Variants in ESRRG observed in about 807,000 individuals in gnomAD.
ESRRG encodes estrogen related receptor gamma, also known as estrogen-related receptor gamma.
A neutral mutation model predicts 44.0 loss-of-function variants in ESRRG; 13 were observed. The observed-to-expected ratio is 0.30, with a 90% CI of 0.19 to 0.47. The LOEUF is 0.47. Among genes scored for constraint, ESRRG ranks in the 20% least tolerant of loss-of-function variants. The pLI, the probability that ESRRG is intolerant of heterozygous loss-of-function variation, is 1.00. For missense variants in ESRRG, 395 were observed against 580.6 expected, an observed-to-expected ratio of 0.68 and a Z score of 3.29; for synonymous variants, 215 against 214.6, an observed-to-expected ratio of 1.00 and a Z score of -0.02.
At chr1:216,774,398 G>A (rs569322983) in intron 2 of ESRRG, among the ~76,000 whole-genome samples, 6 of 152,078 alleles carry the variant, frequency 3.9e-5, no homozygotes, top group Non-Finnish European at 7.4e-5. Flanking sequence ...TACGCAGTGC[G>A]GTGGGAGGTT....
chr1:216,554,057 G>C (rs1451603329), intron 5 of ESRRG, among the ~76,000 whole-genome samples: 1 of 152,010 alleles, frequency 6.6e-6, no homozygotes, highest in Non-Finnish European at 1.5e-5. Flanking sequence ...TTCTAATTGA[G>C]GTTATTTATG....
intron 3 of ESRRG, among the ~76,000 whole-genome samples, chr1:216,637,942 A>G (rs2065625231): frequency 1.3e-5 from 2 of 152,182 alleles, no homozygotes; most frequent in Non-Finnish European, 2.9e-5. Flanking sequence ...ATCATTATTT[A>G]TGAAAAATTA....
chr1:216,564,973 T>G (rs999856343), intron 4 of ESRRG, among the ~76,000 whole-genome samples: 3 of 152,010 alleles, frequency 2.0e-5, no homozygotes, highest in African/African-American at 7.2e-5. Context: ...TTTCTCCCCC[T>G]CCCCACACAC....
At chr1:216,773,332 C>A (rs905470577) in intron 2 of ESRRG, among the ~76,000 whole-genome samples, 1 of 152,036 alleles carries the variant, frequency 6.6e-6, no homozygotes, top group Non-Finnish European at 1.5e-5. Context: ...AAACTTCCAC[C>A]AGAAATGCAA....
intron 3 of ESRRG, among the ~76,000 whole-genome samples, chr1:216,625,363 C>A (rs946360438): frequency 2.1e-5 from 3 of 141,682 alleles, no homozygotes; most frequent in Admixed American, 7.3e-5. Context: ...CCCAATAGTA[C>A]CATTTGATCA....
chr1:216,976,646 G>C (rs903747780), intron 1 of ESRRG, among the ~76,000 whole-genome samples: 6 of 152,136 alleles, frequency 3.9e-5, no homozygotes, highest in Admixed American at 1.3e-4. Flanking sequence ...CATTTACAAA[G>C]AGAAGCAACA....
At chr1:217,076,368 T>G (rs1277348259) in intron 1 of ESRRG, among the ~76,000 whole-genome samples, 1 of 152,158 alleles carries the variant, frequency 6.6e-6, no homozygotes, top group Non-Finnish European at 1.5e-5. Flanking sequence ...GCATAGCAGA[T>G]AACAGCACAC....
At chr1:216,663,248 C>G (rs1377718357) in intron 2 of ESRRG, among the ~76,000 whole-genome samples, 1 of 151,850 alleles carries the variant, frequency 6.6e-6, no homozygotes, top group African/African-American at 2.4e-5. Context: ...GCTCTGGAGG[C>G]AAAAGCAGGG....
intron 2 of ESRRG, among the ~76,000 whole-genome samples, chr1:216,792,002 T>C (rs2094334749): frequency 6.6e-6 from 1 of 152,084 alleles, no homozygotes; most frequent in South Asian, 2.1e-4. Flanking sequence ...GAATAAGAAA[T>C]ATAAGAAAAA....
At chr1:217,092,051 C>T (rs2092355074), upstream of ESRRG, among the ~76,000 whole-genome samples, 1 of 152,132 alleles carries the variant, frequency 6.6e-6, no homozygotes, top group African/African-American at 2.4e-5. Flanking sequence ...GTTTCTTACC[C>T]CAGGAGTGAG....
At chr1:216,645,818 G>C (rs1209051321) in intron 3 of ESRRG, among the ~76,000 whole-genome samples, 3 of 139,068 alleles carry the variant, frequency 2.2e-5, no homozygotes, top group South Asian at 2.3e-4. Flanking sequence ...GCTGCAGTGA[G>C]CCAAGATCAT....
intron 3 of ESRRG, among the ~76,000 whole-genome samples, chr1:216,618,649 T>C (rs2061748610): frequency 1.3e-5 from 2 of 152,204 alleles, no homozygotes; most frequent in Admixed American, 1.3e-4. Context: ...TCTTAGTTGA[T>C]TTTCACTGCA....
chr1:216,966,351 G>C (rs74141711), intron 1 of ESRRG, among the ~76,000 whole-genome samples: 2 of 152,158 alleles, frequency 1.3e-5, no homozygotes, highest in African/African-American at 4.8e-5. Flanking sequence ...CTGTCTATAC[G>C]TATGAATTCT....
intron 1 of ESRRG, among the ~76,000 whole-genome samples, chr1:216,700,345 G>A (rs1024825243): frequency 3.3e-5 from 5 of 152,060 alleles, no homozygotes; most frequent in South Asian, 4.1e-4. Context: ...AGATGTTTCC[G>A]TGACAAATTA....
intron 3 of ESRRG, among the ~76,000 whole-genome samples, chr1:216,615,677 C>T (rs1235619615): frequency 2.0e-5 from 3 of 151,846 alleles, no homozygotes; most frequent in Non-Finnish European, 4.4e-5. Context: ...TAGTGTTACC[C>T]ATATGTGGAA....
chr1:217,006,677 T>C (rs982510819), intron 1 of ESRRG, among the ~76,000 whole-genome samples: 2 of 152,140 alleles, frequency 1.3e-5, no homozygotes, highest in African/African-American at 4.8e-5. Flanking sequence ...CTAATATACC[T>C]TATATGCACG....
chr1:216,554,726 GA>G (rs2057161241), intron 5 of ESRRG, among the ~76,000 whole-genome samples: 1 of 152,090 alleles, frequency 6.6e-6, no homozygotes, highest in Non-Finnish European at 1.5e-5. Context: ...TAGATTTGTT[GA>G]AAATTAAAGA....
At chr1:216,589,863 C>T (rs1321445137) in intron 3 of ESRRG, among the ~76,000 whole-genome samples, 1 of 123,154 alleles carries the variant, frequency 8.1e-6, no homozygotes, top group Non-Finnish European at 1.6e-5. Flanking sequence ...GAGATCGTGC[C>T]ACTGCACTCC....
chr1:216,769,067 G>A (rs796373672), intron 2 of ESRRG, among the ~76,000 whole-genome samples: 33 of 131,124 alleles, frequency 2.5e-4, no homozygotes, highest in African/African-American at 9.6e-4. Flanking sequence ...AGGAAAAGGA[G>A]GCCAAAAAAA....
Sources: gnomAD v4.1 joint callset for allele counts (sites outside exome capture counted in the v4.1 genomes callset) on GRCh38, gnomAD v4.1.1 for gene constraint, MANE v1.5 for transcripts, NCBI Gene and HGNC (gene_info 2026-07-23, HGNC 2026-07-21) for gene names.